Variants in TMPRSS11D observed in about 807,000 individuals in gnomAD.
The protein encoded by TMPRSS11D is transmembrane protease serine 11D.
Under a neutral mutation model 44.4 loss-of-function variants are expected in TMPRSS11D, and 32 were observed. The ratio of observed to expected loss-of-function variants is 0.72; its 90% CI spans 0.54 to 0.97. The LOEUF is 0.97. Ranked by LOEUF, TMPRSS11D falls within the 50% of genes least tolerant of loss-of-function variation. The pLI is 0.00. For missense variants in TMPRSS11D, 446 were observed against 502.6 expected, an observed-to-expected ratio of 0.89 and a Z score of 1.08; for synonymous variants, 179 against 177.9, an observed-to-expected ratio of 1.01 and a Z score of -0.05.
chr4:67,852,050 C>A (rs1341659652), intron 3 of TMPRSS11D, among the ~76,000 whole-genome samples: 1 of 152,188 alleles, frequency 6.6e-6, no homozygotes. Context: ...GCTCTGACTC[C>A]CTTCAGTCTT....
In TMPRSS11D at chr4:67,844,382, T is replaced by C. The variant is rs538183611; in HGVS notation, c.250-1757A>G. Among the ~76,000 whole-genome samples the C allele has an allele frequency of 5.9e-5, 9 of 152,300 alleles. No individual in the cohort carries two copies. The South Asian group carries it at 1.9e-3, about 32-fold the overall frequency. On this transcript the variant is annotated intron_variant, in intron 3 of 9. Transcript: ENST00000283916. ...TTTCTTTTTTTTTTCCAGAGAACCT[T>C]TGAACAATTTTAAGAACAATGAGAC...
intron 1 of TMPRSS11D, among the ~76,000 whole-genome samples, chr4:67,861,749 G>A (rs1021867708): frequency 6.6e-6 from 1 of 152,060 alleles, no homozygotes; most frequent in Non-Finnish European, 1.5e-5. Flanking sequence ...TGAGACATAT[G>A]ACTCAACAAA....
intron 3 of TMPRSS11D, among the ~76,000 whole-genome samples, chr4:67,851,893 G>A (rs149829608): frequency 1.1e-4 from 16 of 152,178 alleles, no homozygotes; most frequent in South Asian, 4.1e-4. Context: ...CACTTCTGGC[G>A]CCTGGTGTAT....
chr4:67,837,036 G>T (rs1236599393), intron 5 of TMPRSS11D, among the ~76,000 whole-genome samples: 1 of 152,026 alleles, frequency 6.6e-6, no homozygotes, highest in East Asian at 1.9e-4. Flanking sequence ...CTCACACTGG[G>T]CCCTTGATCA....
At chr4:67,841,396 A>C (rs1718226848) in intron 4 of TMPRSS11D, among the ~76,000 whole-genome samples, 1 of 152,194 alleles carries the variant, frequency 6.6e-6, no homozygotes, top group South Asian at 2.1e-4. Context: ...AGGCCATGCA[A>C]ACCAAGGGAT....
chr4:67,854,325 G>A, intron 2 of TMPRSS11D, 139 bp from the exon 3 acceptor site: 1 of 487,452 alleles, frequency 2.1e-6, no homozygotes, highest in Non-Finnish European at 3.6e-6. Flanking sequence ...ATGCTTCAGT[G>A]TAATTATGAT....
chr4:67,824,470 T>A (rs1193166576), intron 9 of TMPRSS11D, among the ~76,000 whole-genome samples: 1 of 152,034 alleles, frequency 6.6e-6, no homozygotes, highest in African/African-American at 2.4e-5. Context: ...AATTTGTTGT[T>A]TCAGGGCCAG....
At chr4:67,840,380 G>A (rs141810381) in intron 4 of TMPRSS11D, among the ~76,000 whole-genome samples, 38 of 152,172 alleles carry the variant, frequency 2.5e-4, no homozygotes, top group Non-Finnish European at 4.9e-4. Flanking sequence ...CACAACATGT[G>A]GGTATTATGG....
intron 3 of TMPRSS11D, among the ~76,000 whole-genome samples, chr4:67,844,220 G>C (rs1389680012): frequency 1.3e-5 from 2 of 152,130 alleles, no homozygotes; most frequent in East Asian, 3.8e-4. Flanking sequence ...ATTAAGCCAG[G>C]ATTTGGAGCA....
chr4:67,836,212 C>T (rs1718084068), intron 5 of TMPRSS11D, among the ~76,000 whole-genome samples: 1 of 152,104 alleles, frequency 6.6e-6, no homozygotes, highest in African/African-American at 2.4e-5. Flanking sequence ...CATTTGACAT[C>T]AGTACAGTTA....
intron 3 of TMPRSS11D, among the ~76,000 whole-genome samples, chr4:67,845,206 T>A (rs576146461): frequency 1.3e-5 from 2 of 152,260 alleles, no homozygotes; most frequent in East Asian, 3.9e-4. Context: ...TTGGTTGATA[T>A]GCAAATACAA....
intron 1 of TMPRSS11D, among the ~76,000 whole-genome samples, chr4:67,880,359 T>C (rs1719291124): frequency 6.6e-6 from 1 of 152,162 alleles, no homozygotes; most frequent in African/African-American, 2.4e-5. Context: ...TAGACAGATC[T>C]TTAGAATAGT....
At chr4:67,859,378 A>G (rs1054668688) in intron 2 of TMPRSS11D, among the ~76,000 whole-genome samples, 179 bp downstream of exon 2, 1 of 152,098 alleles carries the variant, frequency 6.6e-6, no homozygotes, top group African/African-American at 2.4e-5. Context: ...AAAGAGAAAA[A>G]ATACTGATTC....
At chr4:67,880,287 T>C (rs1217347425) in intron 1 of TMPRSS11D, among the ~76,000 whole-genome samples, 1 of 151,910 alleles carries the variant, frequency 6.6e-6, no homozygotes, top group East Asian at 1.9e-4. Flanking sequence ...TGTTTAATAA[T>C]AAAAAATTAA....
At position 67,821,705 on chromosome 4, in the gene TMPRSS11D, T is replaced by A. The variant is rs1273743888; in HGVS notation, c.*632A>T. The A allele has an allele frequency of 6.6e-6, 1 of 152,156 alleles. No homozygotes were observed. The highest frequency in any genetic ancestry group is 1.5e-5 in the Non-Finnish European group (1 of 68,030). The allele number at this position is 152,156 out of a possible 1,614,324, so 9.4% of individuals were successfully genotyped here. On this transcript the variant is annotated 3_prime_UTR_variant, in exon 10 of 10. Transcript: ENST00000283916. ...TTGAGGAGTGAACTATTTTAGCTTT[T>A]GCCTTAAATAGCTGAAAATTATCCA...
chr4:67,841,263 A>G (rs1718222319), intron 4 of TMPRSS11D, among the ~76,000 whole-genome samples: 1 of 152,132 alleles, frequency 6.6e-6, no homozygotes, highest in Admixed American at 6.6e-5. Flanking sequence ...ACCTGAGAAG[A>G]TGAGAGGCCT....
At chr4:67,872,134 A>G (rs1448784853) in intron 1 of TMPRSS11D, among the ~76,000 whole-genome samples, 1 of 152,184 alleles carries the variant, frequency 6.6e-6, no homozygotes, top group Non-Finnish European at 1.5e-5. Context: ...AGTCATTCAT[A>G]GAGCCATGAA....
chr4:67,849,105 A>G (rs1718431418), intron 3 of TMPRSS11D, among the ~76,000 whole-genome samples: 1 of 152,182 alleles, frequency 6.6e-6, no homozygotes. Context: ...GATTAAGAAT[A>G]CAGTGGCTGC....
At chr4:67,879,869 A>C (rs963406678) in intron 1 of TMPRSS11D, among the ~76,000 whole-genome samples, 5 of 152,224 alleles carry the variant, frequency 3.3e-5, no homozygotes, top group African/African-American at 1.2e-4. Context: ...GTGTAAGACT[A>C]TTCAGTGCTA....
Sources: allele counts gnomAD v4.1 joint callset (sites outside exome capture counted in the v4.1 genomes callset), GRCh38; gene constraint gnomAD v4.1.1; transcripts MANE v1.5; gene names NCBI Gene and HGNC (gene_info 2026-07-23, HGNC 2026-07-21).